RGS22: variants seen among roughly 807,000 people sequenced by gnomAD.
RGS22 encodes the protein regulator of G-protein signaling 22.
A neutral mutation model predicts 172.9 loss-of-function variants in RGS22; 148 were observed. The observed-to-expected ratio is 0.86, with a 90% CI of 0.75 to 0.98. RGS22 has a LOEUF of 0.98. Among genes scored for constraint, RGS22 ranks in the 50% least tolerant of loss-of-function variants. The probability of loss-of-function intolerance (pLI) is 0.00; values close to 1 mark genes in which losing one functional copy is unlikely to be tolerated. For missense variants in RGS22, 1,347 were observed against 1,440.8 expected (o/e 0.93, Z 1.05); for synonymous variants, 458 against 480.2 (o/e 0.95, Z 0.60).
At chr8:100,019,522 C>T (rs1157479801) in intron 14 of RGS22, among the ~76,000 whole-genome samples, 1 of 152,104 alleles carries the variant, frequency 6.6e-6, no homozygotes, top group Non-Finnish European at 1.5e-5. Context: ...TCCCTCAGTA[C>T]ATAAAGAATA....
intron 14 of RGS22, among the ~76,000 whole-genome samples, chr8:100,014,136 G>T (rs550546495): frequency 6.6e-6 from 1 of 152,226 alleles, no homozygotes; most frequent in African/African-American, 2.4e-5. Flanking sequence ...CCTCTCAAGA[G>T]CTCTCTTTTA....
rs566977257 is a variant in RGS22, at chr8:100,052,644, A to G, written c.1689+158T>C. 5.3e-5 allele frequency among the ~76,000 whole-genome samples: 8 copies of G among 152,198 alleles called. No homozygotes were observed. The East Asian group carries it at 1.5e-3, about 29-fold the overall frequency. Reference sequence around the variant, plus strand: ...GGCTCACTTTGGCTGCTTGGTAGAGAACAGACTGTAGGTTTTCTTATTTCC... The same window carrying G: ...GGCTCACTTTGGCTGCTTGGTAGAGGACAGACTGTAGGTTTTCTTATTTCC... On this transcript the variant is annotated intron_variant, in intron 10 of 27. Transcript: ENST00000360863.
At chr8:100,030,136 T>C (rs1015692225) in intron 14 of RGS22, among the ~76,000 whole-genome samples, 5 of 152,196 alleles carry the variant, frequency 3.3e-5, no homozygotes, top group Admixed American at 2.0e-4. Flanking sequence ...TATACAATGG[T>C]GGTCTCATAA....
chr8:99,970,650 A>G lies in RGS22; in HGVS notation c.3520-5220T>C, dbSNP rs187386673. 9.2e-5 allele frequency among the ~76,000 whole-genome samples: 14 copies of G among 152,334 alleles called. No individual in the cohort carries two copies. In the East Asian group the frequency reaches 2.7e-3, roughly 29 times the overall value. The stretch of plus-strand genomic sequence containing the variant: ...CTAGAAGAAATGGATAAATTCATGG[A>G]CACATACACCCTCCCAAGACTAAAC... On this transcript the variant is annotated intron_variant, in intron 23 of 27. Coordinates refer to ENST00000360863, the MANE Select transcript of RGS22 (RefSeq NM_015668.5).
At chr8:100,085,913 T>G (rs1193150995) in intron 3 of RGS22, among the ~76,000 whole-genome samples, 2 of 152,212 alleles carry the variant, frequency 1.3e-5, no homozygotes, top group African/African-American at 4.8e-5. Context: ...GGATGTATAT[T>G]GAACTCCAGT....
At chr8:100,051,213 C>T (rs3101332) in intron 10 of RGS22, among the ~76,000 whole-genome samples, 87,621 of 150,160 alleles carry the variant, frequency 0.58, 25,745 homozygotes, top group Admixed American at 0.64. Flanking sequence ...CTGTGGTGTC[C>T]TCAAAGAAGA....
chr8:100,028,806 G>A (rs547875915), intron 14 of RGS22, among the ~76,000 whole-genome samples: 51 of 152,246 alleles, frequency 3.3e-4, no homozygotes, highest in Admixed American at 2.6e-3. Context: ...AGGCCCCCAC[G>A]AAAACAGTAT....
At chr8:100,009,024 T>C (rs1343866766) in intron 14 of RGS22, among the ~76,000 whole-genome samples, 1 of 152,164 alleles carries the variant, frequency 6.6e-6, no homozygotes, top group African/African-American at 2.4e-5. Context: ...CCTACCAAAT[T>C]GAGCTGCAGA....
At chr8:100,016,971 TACCA>T (rs1158821710) in intron 14 of RGS22, among the ~76,000 whole-genome samples, 1 of 137,024 alleles carries the variant, frequency 7.3e-6, no homozygotes, top group East Asian at 2.3e-4. Flanking sequence ...CCTGATTCCT[TACCA>T]GTCTTTTTTT....
rs1220843164 is a variant in RGS22 at position 99,976,103 on chromosome 8, T to A, written c.3519+1814A>T. Among the ~76,000 whole-genome samples the A allele has an allele frequency of 2.0e-5, 3 of 151,878 alleles. No homozygotes were observed. The East Asian group carries it at 5.8e-4, about 30-fold the overall frequency. On this transcript the variant is annotated intron_variant, in intron 23 of 27. Coordinates refer to ENST00000360863, the MANE Select transcript of RGS22 (RefSeq NM_015668.5). ...TACTCAGGAGGCTGAGGCACAAGAATCACTTGAACCTGGGAAGCAGAGGTT... is the reference window on the plus strand; with the variant it reads ...TACTCAGGAGGCTGAGGCACAAGAAACACTTGAACCTGGGAAGCAGAGGTT...
At chr8:99,976,060 T>A (rs1230981508) in intron 23 of RGS22, among the ~76,000 whole-genome samples, 1 of 151,904 alleles carries the variant, frequency 6.6e-6, no homozygotes, top group East Asian at 1.9e-4. Context: ...CATGGTGGCA[T>A]GTGCCTGTAG....
At chr8:100,050,848 T>G (rs1422562015) in intron 10 of RGS22, 2 of 152,220 alleles carry the variant, frequency 1.3e-5, no homozygotes, top group Non-Finnish European at 2.9e-5. Context: ...AATTTATACT[T>G]ACTCAGCAAC....
chr8:99,984,788 GACACACACACACACACAC>G (rs111285438), intron 21 of RGS22, among the ~76,000 whole-genome samples: 1 of 139,632 alleles, frequency 7.2e-6, no homozygotes, highest in African/African-American at 2.6e-5. Context: ...AGTCTTTACG[GACACACACACACACACAC>G]ACACACACAC....
chr8:100,076,714 C>A (rs113022374), intron 4 of RGS22, among the ~76,000 whole-genome samples: 3 of 152,068 alleles, frequency 2.0e-5, no homozygotes, highest in Non-Finnish European at 2.9e-5. Context: ...ATATGTGGGC[C>A]GGGCACGGTG....
chr8:99,985,109 G>A (rs1017491700), intron 21 of RGS22, among the ~76,000 whole-genome samples: 3 of 152,132 alleles, frequency 2.0e-5, no homozygotes, highest in Non-Finnish European at 2.9e-5. Context: ...GTGGTTAAGG[G>A]CATGGGCTTT....
chr8:100,041,776 G>T (rs1397830756), intron 12 of RGS22, 26 bp downstream of exon 12: 3 of 1,228,168 alleles, frequency 2.4e-6, no homozygotes, highest in Middle Eastern at 3.8e-4. Flanking sequence ...GAAGAATCAG[G>T]TTTATTCAGT....
intron 23 of RGS22, among the ~76,000 whole-genome samples, chr8:99,967,616 G>A (rs980536197): frequency 1.3e-5 from 2 of 152,212 alleles, no homozygotes; most frequent in African/African-American, 4.8e-5. Flanking sequence ...AAACCGCTGG[G>A]AAGTTTGAAT....
At chr8:100,073,090 AC>A (rs1225830055) in intron 4 of RGS22, among the ~76,000 whole-genome samples, 4 of 152,182 alleles carry the variant, frequency 2.6e-5, no homozygotes, top group African/African-American at 7.2e-5. Flanking sequence ...TCTTGTATTC[AC>A]TTTTTCTAGA....
intron 20 of RGS22, among the ~76,000 whole-genome samples, chr8:99,990,009 T>C (rs1353475668): frequency 6.6e-6 from 1 of 152,170 alleles, no homozygotes; most frequent in East Asian, 1.9e-4. Context: ...TGTTGAGTAA[T>C]TTACTCTCAA....
Sources: allele counts gnomAD v4.1 joint callset (sites outside exome capture counted in the v4.1 genomes callset), GRCh38; gene constraint gnomAD v4.1.1; transcripts MANE v1.5; gene names NCBI Gene and HGNC (gene_info 2026-07-23, HGNC 2026-07-21).